AGO3: variants seen among roughly 807,000 people sequenced by gnomAD.
AGO3 encodes the protein protein argonaute-3.
Under a neutral mutation model 105.5 loss-of-function variants are expected in AGO3, and 16 were observed. The ratio of observed to expected loss-of-function variants is 0.15; its 90% CI spans 0.10 to 0.23. The LOEUF (loss-of-function observed/expected upper bound fraction) is 0.23, where lower values mean the gene tolerates loss of function less well. AGO3 is among the 10% of genes least tolerant of loss of function. The probability of loss-of-function intolerance (pLI) is 1.00; values close to 1 mark genes in which losing one functional copy is unlikely to be tolerated. For missense variants in AGO3, 534 were observed against 1,088.0 expected, an observed-to-expected ratio of 0.49 and a Z score of 7.16; for synonymous variants, 340 against 367.3, an observed-to-expected ratio of 0.93 and a Z score of 0.85.
rs763461451 is a variant in AGO3, at chr1:36,039,944, T to C, written c.1997T>C (p.Ile666Thr). ...ACTCGGTTCAAGCCTACTCGTATCATCTTTTATCGGGATGGTGTTTCAGAG... is the reference window on the plus strand; with the variant it reads ...ACTCGGTTCAAGCCTACTCGTATCACCTTTTATCGGGATGGTGTTTCAGAG... ...KSTRFKPTRI[I>T]FYRDGVSEGQ... The change falls in exon 15 of 19, where the codon ATC (isoleucine) becomes ACC (threonine). Residue 666 changes from isoleucine to threonine, a missense_variant. Around this residue, in one of 2 missense-constraint regions of AGO3, gnomAD observed 373 missense variants for 854.0 expected, o/e 0.44. Transcript: ENST00000373191. The C allele has an allele frequency of 6.2e-7, 1 of 1,613,842 alleles. No homozygotes were observed. The highest frequency in any genetic ancestry group is 1.1e-5 in the South Asian group (1 of 91,030).
rs533441134 is a variant in AGO3, at chr1:36,070,103, A to G, written c.*14358A>G. ...AATAAAATACAAATACTTAGAAATT[A>G]ACTTCGCCTTTGCCTTCAGGCACTT... On this transcript the variant is annotated 3_prime_UTR_variant, in exon 19 of 19. Coordinates refer to ENST00000373191, the MANE Select transcript of AGO3 (RefSeq NM_024852.4). 3 of 152,322 alleles carry G rather than the reference A, an allele frequency of 2.0e-5. No homozygotes were observed. The highest frequency in any genetic ancestry group is 7.2e-5 in the African/African-American group (3 of 41,574). 9.4% of individuals were successfully genotyped at this position (152,322 alleles called of 1,614,324 possible).
intron 2 of AGO3, among the ~76,000 whole-genome samples, chr1:35,947,534 T>C (rs1354680433): frequency 6.6e-6 from 1 of 152,194 alleles, no homozygotes; most frequent in East Asian, 1.9e-4. Context: ...ATCATCTTTG[T>C]CACCCCATGT....
chr1:36,052,012 C>T (rs1313862538), intron 17 of AGO3, among the ~76,000 whole-genome samples: 2 of 152,040 alleles, frequency 1.3e-5, no homozygotes, highest in African/African-American at 4.8e-5. Flanking sequence ...TATGGAAGTT[C>T]CTCATAAAAC....
intron 6 of AGO3, among the ~76,000 whole-genome samples, chr1:36,006,826 C>A: frequency 6.6e-6 from 1 of 152,112 alleles, no homozygotes; most frequent in Non-Finnish European, 1.5e-5. Context: ...GATACCGTGT[C>A]CATTTAACAT....
At chr1:35,970,025 C>G (rs183275248) in intron 3 of AGO3, among the ~76,000 whole-genome samples, 9 of 152,312 alleles carry the variant, frequency 5.9e-5, no homozygotes, top group Admixed American at 5.9e-4. Flanking sequence ...CATGACTCTA[C>G]TTCATTACTT....
At chr1:36,018,756 CAAAT>C (rs1446835552) in intron 11 of AGO3, among the ~76,000 whole-genome samples, 1 of 152,060 alleles carries the variant, frequency 6.6e-6, no homozygotes, top group African/African-American at 2.4e-5. Context: ...TTATCCTTCA[CAAAT>C]AAAAGTATAC....
intron 2 of AGO3, among the ~76,000 whole-genome samples, chr1:35,956,532 A>G (rs1422337250): frequency 6.6e-6 from 1 of 152,212 alleles, no homozygotes; most frequent in African/African-American, 2.4e-5. Flanking sequence ...CTATTATTTC[A>G]GGTTTACCAG....
intron 8 of AGO3, 45 bp downstream of exon 8, chr1:36,009,089 C>CTTTTTTTTTTTTTTTTTTT: frequency 2.0e-6 from 3 of 1,474,636 alleles, no homozygotes; most frequent in East Asian, 8.1e-5. Context: ...GTTCATGATT[C>CTTTTTTTTTTTTTTTTTTT]TTTTGGGGTC....
Position 36,055,075 on chromosome 1 carries a change from G to A in AGO3, c.2404G>A (p.Ala802Thr). ...CTGTACACGATCTGTTTCTATACCT[G>A]CACCAGCGTATTATGCTCACCTGGT... ...VRCTRSVSIP[A>T]PAYYAHLVAF... Residue 802 changes from alanine (A) to threonine (T), a missense_variant, in exon 18 of 19, where the codon GCA becomes ACA. By Grantham distance (58) the Ala-to-Thr change is moderately conservative. Around this residue, in one of 2 missense-constraint regions of AGO3, gnomAD observed 373 missense variants for 854.0 expected, o/e 0.44. Transcript: ENST00000373191. The surrounding 1 kb of genome is among the most constrained non-coding windows in gnomAD (Gnocchi z 4.4). The A allele has an allele frequency of 1.9e-6, 3 of 1,613,992 alleles. No homozygotes were observed. The highest frequency in any genetic ancestry group is 2.5e-6 in the Non-Finnish European group (3 of 1,179,970).
chr1:36,024,042 A>G (rs1409399125), intron 11 of AGO3, among the ~76,000 whole-genome samples: 1 of 152,110 alleles, frequency 6.6e-6, no homozygotes, highest in African/African-American at 2.4e-5. Flanking sequence ...GTGCTCTGCT[A>G]AAACTGGTTC....
intron 1 of AGO3, among the ~76,000 whole-genome samples, chr1:35,943,088 C>T (rs1379626518): frequency 2.6e-5 from 4 of 151,444 alleles, no homozygotes; most frequent in South Asian, 2.1e-4. Context: ...CTGCAGCCTC[C>T]ACCTCCCAGG....
chr1:35,993,413 C>G (rs1227937568), intron 5 of AGO3, among the ~76,000 whole-genome samples: 1 of 151,984 alleles, frequency 6.6e-6, no homozygotes, highest in Non-Finnish European at 1.5e-5. Context: ...AGCAGATTAC[C>G]AGTATCAGGA....
chr1:35,931,826 C>A (rs942015772), intron 1 of AGO3, among the ~76,000 whole-genome samples: 1 of 152,240 alleles, frequency 6.6e-6, no homozygotes, highest in Non-Finnish European at 1.5e-5. Flanking sequence ...CCCTTACCTA[C>A]CTCTTAGGAT....
intron 2 of AGO3, among the ~76,000 whole-genome samples, chr1:35,956,979 T>C (rs1271868797): frequency 6.6e-6 from 1 of 152,052 alleles, no homozygotes; most frequent in Admixed American, 6.6e-5. Flanking sequence ...GGAACAAAGT[T>C]TGATTACAGT....
At chr1:36,043,605 A>AT (rs1642339227) in intron 17 of AGO3, 57 bp downstream of exon 17, 16 of 1,365,582 alleles carry the variant, frequency 1.2e-5, no homozygotes, top group Non-Finnish European at 9.2e-6. Flanking sequence ...TCTTACGTGT[A>AT]TTTTTTAAAT....
At chr1:35,998,782 C>G (rs886575352) in intron 5 of AGO3, among the ~76,000 whole-genome samples, 4 of 151,838 alleles carry the variant, frequency 2.6e-5, no homozygotes, top group Non-Finnish European at 5.9e-5. Context: ...AGCTTTATTT[C>G]TTTATTTATG....
intron 5 of AGO3, among the ~76,000 whole-genome samples, chr1:35,999,628 GATC>G (rs1639994034): frequency 6.6e-6 from 1 of 151,986 alleles, no homozygotes; most frequent in Non-Finnish European, 1.5e-5. Context: ...TTTTTGTTGT[GATC>G]ATAAGTGGTA....
intron 5 of AGO3, among the ~76,000 whole-genome samples, chr1:35,994,589 C>CTA (rs1648089741): frequency 1.1e-5 from 1 of 93,984 alleles, no homozygotes; most frequent in Admixed American, 1.4e-4. Flanking sequence ...AGAAATAAAA[C>CTA]TCTGTTTGTA....
chr1:35,930,993 C>T (rs2148733853), upstream of AGO3: 1 of 347,078 alleles, frequency 2.9e-6, no homozygotes, highest in Non-Finnish European at 5.2e-6. Context: ...GCGCCGGCCG[C>T]TCCTGCCCCG....
Sources: gnomAD v4.1 joint callset for allele counts (sites outside exome capture counted in the v4.1 genomes callset) on GRCh38, gnomAD v4.1.1 for gene constraint, gnomAD v4.1.1 regional missense constraint, Gnocchi (gnomAD v3.1) non-coding constraint, MANE v1.5 for transcripts, NCBI Gene and HGNC (gene_info 2026-07-23, HGNC 2026-07-21) for gene names.